Variants in CNTNAP2 observed in about 807,000 individuals in gnomAD.
CNTNAP2 encodes contactin-associated protein-like 2.
A neutral mutation model predicts 155.2 loss-of-function variants in CNTNAP2; 98 were observed. That is an observed-to-expected ratio of 0.63 (90% CI 0.54 to 0.75). The LOEUF (loss-of-function observed/expected upper bound fraction) is 0.75. Among genes scored for constraint, CNTNAP2 ranks in the 30% least tolerant of loss-of-function variants. The pLI is 0.00. For synonymous variants in CNTNAP2, 651 were observed against 631.2 expected, an observed-to-expected ratio of 1.03 and a Z score of -0.47; for missense variants, 1,727 against 1,688.1, an observed-to-expected ratio of 1.02 and a Z score of -0.40.
intron 5 of CNTNAP2, among the ~76,000 whole-genome samples, chr7:147,108,593 C>A (rs1800815308): frequency 6.6e-6 from 1 of 152,120 alleles, no homozygotes; most frequent in African/African-American, 2.4e-5. Flanking sequence ...AACAAATAGA[C>A]AAGATCCTTA....
chr7:147,321,575 T>C (rs1263471597), intron 9 of CNTNAP2, among the ~76,000 whole-genome samples: 1 of 152,218 alleles, frequency 6.6e-6, no homozygotes, highest in Admixed American at 6.5e-5. Flanking sequence ...TGGTGAGTTC[T>C]AGACTAACTT....
At chr7:146,445,519 G>A (rs890309708) in intron 1 of CNTNAP2, among the ~76,000 whole-genome samples, 1 of 152,130 alleles carries the variant, frequency 6.6e-6, no homozygotes, top group Admixed American at 6.5e-5. Flanking sequence ...CTTAAGTACA[G>A]GATGGAGGGA....
intron 3 of CNTNAP2, among the ~76,000 whole-genome samples, chr7:146,986,156 C>T (rs1563032869): frequency 1.3e-5 from 2 of 152,120 alleles, no homozygotes; most frequent in South Asian, 4.1e-4. Flanking sequence ...CACCCCTCTC[C>T]CACCCTTTCT....
In CNTNAP2 at chr7:147,281,230, G is replaced by C. The variant is rs557020840; in HGVS notation, c.1349-18911G>C. 1.1e-4 allele frequency among the ~76,000 whole-genome samples: 16 copies of C among 151,952 alleles called. 1 individual carries two copies. The South Asian group carries it at 2.9e-3, about 28-fold the overall frequency. ...CCAATATAATAAACCTCTGGTGCAA[G>C]ATTTTTATAACGAATCATCAGCATT... On this transcript the variant is annotated intron_variant, in intron 8 of 23. Transcript: ENST00000361727.
chr7:148,295,477 G>C (rs1327445870), intron 21 of CNTNAP2, among the ~76,000 whole-genome samples: 1 of 151,462 alleles, frequency 6.6e-6, no homozygotes, highest in Non-Finnish European at 1.5e-5. Context: ...CATAATGATA[G>C]AGTGAATATT....
chr7:146,799,199 A>G (rs1225822349), intron 2 of CNTNAP2, among the ~76,000 whole-genome samples: 3 of 151,994 alleles, frequency 2.0e-5, no homozygotes, highest in Non-Finnish European at 4.4e-5. Context: ...TTCTTTTTTA[A>G]GTGAAATAGA....
intron 15 of CNTNAP2, among the ~76,000 whole-genome samples, chr7:148,078,970 G>T (rs555100429): frequency 6.6e-6 from 1 of 152,328 alleles, no homozygotes; most frequent in South Asian, 2.1e-4. Context: ...AAATGAGGAA[G>T]AAATGGGCAC....
intron 1 of CNTNAP2, among the ~76,000 whole-genome samples, chr7:146,436,807 A>T (rs1796249872): frequency 6.6e-6 from 1 of 151,654 alleles, no homozygotes; most frequent in South Asian, 2.1e-4. Flanking sequence ...TTAACTATAA[A>T]CATGTTATTC....
At chr7:146,892,823 C>T (rs941446136) in intron 3 of CNTNAP2, among the ~76,000 whole-genome samples, 1 of 152,116 alleles carries the variant, frequency 6.6e-6, no homozygotes, top group Non-Finnish European at 1.5e-5. Flanking sequence ...TTATTTTTTA[C>T]ATTCAAATGA....
At chr7:147,744,503 T>C (rs1422591463) in intron 13 of CNTNAP2, among the ~76,000 whole-genome samples, 1 of 152,194 alleles carries the variant, frequency 6.6e-6, no homozygotes, top group Non-Finnish European at 1.5e-5. Flanking sequence ...CTGAACTAAT[T>C]GTTCAGGACG....
intron 13 of CNTNAP2, among the ~76,000 whole-genome samples, chr7:147,723,740 G>T (rs1796601810): frequency 1.3e-5 from 2 of 151,920 alleles, no homozygotes; most frequent in African/African-American, 4.8e-5. Flanking sequence ...CGCTACTCAG[G>T]ACTTCCTTTT....
chr7:147,866,150 A>C (rs1799222351), intron 13 of CNTNAP2, among the ~76,000 whole-genome samples: 1 of 152,214 alleles, frequency 6.6e-6, no homozygotes, highest in Admixed American at 6.5e-5. Context: ...TTCAAAGAAC[A>C]TCTTTATTTC....
chr7:148,047,515 G>T (rs1315969219), intron 15 of CNTNAP2, among the ~76,000 whole-genome samples: 1 of 152,094 alleles, frequency 6.6e-6, no homozygotes. Flanking sequence ...GCGCTTGGGG[G>T]CCATTTGAAA....
intron 10 of CNTNAP2, among the ~76,000 whole-genome samples, chr7:147,407,186 AGGCCGGGTGCAGT>A (rs1797018817): frequency 6.6e-6 from 1 of 152,160 alleles, no homozygotes; most frequent in Non-Finnish European, 1.5e-5. Context: ...CATACACATA[AGGCCGGGTGCAGT>A]GGCTCACGCC....
intron 15 of CNTNAP2, among the ~76,000 whole-genome samples, chr7:148,031,867 T>A (rs1802482719): frequency 1.3e-5 from 2 of 152,154 alleles, no homozygotes; most frequent in South Asian, 4.1e-4. Flanking sequence ...ACATTAATTG[T>A]TTCTTCCTAA....
chr7:146,627,997 C>T (rs943810915), intron 1 of CNTNAP2, among the ~76,000 whole-genome samples: 10 of 152,068 alleles, frequency 6.6e-5, no homozygotes, highest in South Asian at 2.1e-4. Context: ...TGTGTGGTCA[C>T]GTATATCTTT....
chr7:147,325,858 T>A (rs978771712), intron 9 of CNTNAP2, among the ~76,000 whole-genome samples: 3 of 152,226 alleles, frequency 2.0e-5, no homozygotes, highest in Non-Finnish European at 4.4e-5. Flanking sequence ...AAATGAAAAC[T>A]GCTCATTAAA....
rs561427087 is a variant in CNTNAP2, at chr7:146,332,042, A to T, written c.97+215069A>T. Among the ~76,000 whole-genome samples the T allele has an allele frequency of 5.0e-4, 76 of 152,224 alleles. 1 individual carries two copies. The highest frequency in any genetic ancestry group is 1.8e-3 in the African/African-American group (75 of 41,544). On this transcript the variant is annotated intron_variant, in intron 1 of 23. Transcript: ENST00000361727. ...ATATATGTATGTGTATTTATGTAAA[A>T]ATATATATACATATGTGTGCATGTC...
rs138615813 is a variant in CNTNAP2 at position 148,398,167 on chromosome 7, T to C, written c.3716-11224T>C. Among the ~76,000 whole-genome samples the C allele has an allele frequency of 1.2e-3, 185 of 152,318 alleles. 4 individuals carry two copies. In the East Asian group the frequency reaches 0.03, roughly 25 times the overall value. On this transcript the variant is annotated intron_variant, in intron 22 of 23. Transcript: ENST00000361727. ...CCATGCCCCCCTTCTAACCGCACAG[T>C]GGAGACAGAATCTGGTCAGCTGTCT...
Sources: allele counts gnomAD v4.1 joint callset (sites outside exome capture counted in the v4.1 genomes callset), GRCh38; gene constraint gnomAD v4.1.1; transcripts MANE v1.5; gene names NCBI Gene and HGNC (gene_info 2026-07-23, HGNC 2026-07-21).